TULP3: variants seen among roughly 807,000 people sequenced by gnomAD.
The protein encoded by TULP3 is tubby-related protein 3.
Under a neutral mutation model 50.7 loss-of-function variants are expected in TULP3, and 38 were observed. The ratio of observed to expected loss-of-function variants is 0.75; its 90% CI spans 0.58 to 0.98. The LOEUF is 0.98. TULP3 is among the 50% of genes least tolerant of loss of function. The pLI, the probability that TULP3 is intolerant of heterozygous loss-of-function variation, is 0.00. For synonymous variants in TULP3, 183 were observed against 196.6 expected, an observed-to-expected ratio of 0.93 and a Z score of 0.58; for missense variants, 550 against 568.0, an observed-to-expected ratio of 0.97 and a Z score of 0.32.
chr12:2,919,757 G>T (rs963861456), intron 2 of TULP3, among the ~76,000 whole-genome samples: 6 of 149,878 alleles, frequency 4.0e-5, no homozygotes, highest in South Asian at 2.1e-4. Context: ...CATTTCATTG[G>T]TTTTTTTTTC....
chr12:2,897,525 G>T (rs2098176236), intron 1 of TULP3, among the ~76,000 whole-genome samples: 2 of 152,054 alleles, frequency 1.3e-5, no homozygotes, highest in Non-Finnish European at 2.9e-5. Context: ...AGCACTTAGG[G>T]AGGCTGAGGC....
Position 2,938,291 on chromosome 12 carries a change from C to G in TULP3, c.1195+6C>G. 3 of 1,613,048 alleles carry G rather than the reference C, an allele frequency of 1.9e-6. No homozygotes were observed. Among genetic ancestry groups the G allele is most frequent in the Non-Finnish European group, 2.5e-6 (3 of 1,179,342 alleles). On this transcript the variant is annotated splice_donor_region_variant and intron_variant, in intron 10 of 10. Transcript: ENST00000448120. ...GATAGTCCACAAAAATGACCGTAAG[C>G]CTCCAGGAGGGGTTGGGTGGGAAGA...
At chr12:2,929,454 T>G (rs1158403995) in intron 4 of TULP3, among the ~76,000 whole-genome samples, 2 of 152,188 alleles carry the variant, frequency 1.3e-5, no homozygotes, top group Non-Finnish European at 1.5e-5. Context: ...GACACACAGG[T>G]ACCATCGTGA....
intron 1 of TULP3, among the ~76,000 whole-genome samples, chr12:2,894,316 A>T (rs1365438066): frequency 6.7e-6 from 1 of 149,496 alleles, no homozygotes; most frequent in African/African-American, 2.5e-5. Flanking sequence ...GGGGGAAATC[A>T]CCTGAGGTCA....
intron 2 of TULP3, among the ~76,000 whole-genome samples, chr12:2,913,870 A>G (rs1035630256): frequency 6.6e-6 from 1 of 152,188 alleles, no homozygotes; most frequent in African/African-American, 2.4e-5. Flanking sequence ...CGGCCTCCCA[A>G]AGTGCTGGGA....
chr12:2,914,924 T>C (rs1218928502), intron 2 of TULP3, among the ~76,000 whole-genome samples: 2 of 150,296 alleles, frequency 1.3e-5, no homozygotes, highest in Non-Finnish European at 1.5e-5. Flanking sequence ...TGAGCCACCA[T>C]ACCTGGCAAG....
chr12:2,937,650 T>TTAA lies in TULP3; in HGVS notation c.945_947dup (p.Phe315_Lys316insAsn). The TTAA allele has an allele frequency of 6.2e-7, 1 of 1,612,278 alleles. No homozygotes were observed. Among genetic ancestry groups the TTAA allele is most frequent in the Non-Finnish European group, 8.5e-7 (1 of 1,179,242 alleles). On this transcript the variant is annotated inframe_insertion, in exon 9 of 11. Transcript: ENST00000448120. ...TTCCAGGAAACAAACGTACTTGGAT[T>TTAA]TAAAGGTCCTAGGAAAATGTCTGTG...
At chr12:2,937,496 C>T (rs758189625) in intron 8 of TULP3, 135 bp from the exon 9 acceptor site, 42 of 689,762 alleles carry the variant, frequency 6.1e-5, no homozygotes, top group Non-Finnish European at 8.0e-5. Flanking sequence ...GGATTATAGG[C>T]GTGATCCACT....
At chr12:2,934,618 T>C (rs1295052938) in intron 8 of TULP3, 57 bp downstream of exon 8, 3 of 1,171,906 alleles carry the variant, frequency 2.6e-6, no homozygotes, top group Non-Finnish European at 3.5e-6. Flanking sequence ...GCTGGCACTT[T>C]TCACCTAGTG....
intron 1 of TULP3, among the ~76,000 whole-genome samples, chr12:2,891,449 C>T (rs1286012043): frequency 6.6e-6 from 1 of 152,174 alleles, no homozygotes; most frequent in Non-Finnish European, 1.5e-5. Flanking sequence ...AATTCTGGAG[C>T]AGAGTCCGAG....
chr12:2,922,447 A>G (rs371947611), intron 4 of TULP3, 45 bp downstream of exon 4: 25 of 1,584,874 alleles, frequency 1.6e-5, no homozygotes, highest in African/African-American at 1.4e-4. Context: ...TCCTTACTCA[A>G]TTGTAATCTT....
chr12:2,923,010 C>G (rs928023429), intron 4 of TULP3, among the ~76,000 whole-genome samples: 1 of 151,938 alleles, frequency 6.6e-6, no homozygotes. Context: ...CCCGCCACCA[C>G]GCCTGGCTAA....
chr12:2,928,813 C>T (rs966006662), intron 4 of TULP3, among the ~76,000 whole-genome samples: 2 of 151,908 alleles, frequency 1.3e-5, no homozygotes, highest in East Asian at 1.9e-4. Flanking sequence ...GGCTTCGTGG[C>T]GCACACCTGT....
At chr12:2,932,969 G>T (rs776548837) in intron 6 of TULP3, among the ~76,000 whole-genome samples, 19 of 151,156 alleles carry the variant, frequency 1.3e-4, no homozygotes, top group Non-Finnish European at 2.7e-4. Context: ...TTGAGACAGA[G>T]TCTCATTCTG....
intron 4 of TULP3, among the ~76,000 whole-genome samples, chr12:2,929,316 C>CA (rs113419901): frequency 1.9e-3 from 272 of 144,112 alleles, no homozygotes; most frequent in South Asian, 5.9e-3. Flanking sequence ...GACTCCGTCT[C>CA]AAAAAAAAAA....
chr12:2,911,410 T>A (rs1318288313), intron 2 of TULP3, among the ~76,000 whole-genome samples: 1 of 151,796 alleles, frequency 6.6e-6, no homozygotes, highest in Non-Finnish European at 1.5e-5. Context: ...TGGAGTGCAG[T>A]GGCGCAATCT....
chr12:2,934,482 A>T lies in TULP3; in HGVS notation c.845A>T (p.Asp282Val). ...NLMGTKFTVY[D>V]RGICPMKGRG... is the part of the protein sequence containing the mutation. ...ATGGGGACCAAGTTTACAGTTTATG[A>T]CCGTGGCATCTGCCCCATGAAGGGC... Residue 282 changes from aspartate (D) to valine (V), a missense_variant, in exon 8 of 11, where the codon GAC becomes GTC. Asp to Val is a radical substitution (Grantham distance 152). Transcript: ENST00000448120. The T allele has an allele frequency of 6.2e-7, 1 of 1,604,178 alleles. No individual in the cohort carries two copies. The highest frequency in any genetic ancestry group is 1.3e-5 in the African/African-American group (1 of 74,442).
At chr12:2,912,296 C>G (rs538758727) in intron 2 of TULP3, among the ~76,000 whole-genome samples, 1 of 152,242 alleles carries the variant, frequency 6.6e-6, no homozygotes, top group Non-Finnish European at 1.5e-5. Context: ...TTAAGCGTGT[C>G]TAAGTTAGAG....
chr12:2,891,156 G>T (rs1394385910), intron 1 of TULP3, among the ~76,000 whole-genome samples, 168 bp downstream of exon 1: 1 of 152,170 alleles, frequency 6.6e-6, no homozygotes, highest in African/African-American at 2.4e-5. Context: ...CCCTACTCCC[G>T]TGTGGGGACC....
Sources: gnomAD v4.1 joint callset for allele counts (sites outside exome capture counted in the v4.1 genomes callset) on GRCh38, gnomAD v4.1.1 for gene constraint, MANE v1.5 for transcripts, NCBI Gene and HGNC (gene_info 2026-07-23, HGNC 2026-07-21) for gene names.